NTM: variants seen among roughly 807,000 people sequenced by gnomAD.
NTM encodes the protein neurotrimin, also known as IgLON family member 2.
Under a neutral mutation model 42.1 loss-of-function variants are expected in NTM, and 13 were observed. That is an observed-to-expected ratio of 0.31 (90% CI 0.20 to 0.49). The LOEUF (loss-of-function observed/expected upper bound fraction) is 0.49, where lower values mean the gene tolerates loss of function less well. Among genes scored for constraint, NTM ranks in the 20% least tolerant of loss-of-function variants. NTM has a pLI of 0.99. For missense variants in NTM, 373 were observed against 452.8 expected (o/e 0.82, Z 1.60); for synonymous variants, 187 against 179.2 (o/e 1.04, Z -0.35).
At position 132,310,102 on chromosome 11, in the gene NTM, C is replaced by CT. The variant is rs2095237432; in HGVS notation, c.662-5dup. On this transcript the variant is annotated splice_polypyrimidine_tract_variant and intron_variant, in intron 5 of 8. Coordinates refer to ENST00000683400, the MANE Select transcript of NTM (RefSeq NM_001352005.2). The stretch of plus-strand genomic sequence containing the variant: ...TGGGGGGGCGGCTATGAGACATCTT[C>CT]TTTTTGCAGATCCACCATACATTTC... 6.4e-7 allele frequency: 1 copy of CT among 1,555,410 alleles called. No homozygotes were observed. The highest frequency in any genetic ancestry group is 8.7e-7 in the Non-Finnish European group (1 of 1,155,520).
intron 4 of NTM, among the ~76,000 whole-genome samples, chr11:132,303,389 A>G (rs1315776180): frequency 6.6e-6 from 1 of 152,172 alleles, no homozygotes; most frequent in Non-Finnish European, 1.5e-5. Flanking sequence ...TCCTAGAAGC[A>G]TCACTCCTAT....
At chr11:132,329,775 C>CAAAG (rs2095761518) in intron 7 of NTM, among the ~76,000 whole-genome samples, 1 of 152,202 alleles carries the variant, frequency 6.6e-6, no homozygotes. Flanking sequence ...GCCTGATGAC[C>CAAAG]AAAGAAAGTA....
intron 2 of NTM, among the ~76,000 whole-genome samples, chr11:131,940,014 C>T (rs1237291686): frequency 6.6e-6 from 1 of 152,190 alleles, no homozygotes; most frequent in Non-Finnish European, 1.5e-5. Context: ...AGTAGTTCTG[C>T]TCTAGAGGTT....
At chr11:132,191,507 A>G (rs547137432) in intron 3 of NTM, among the ~76,000 whole-genome samples, 1 of 152,338 alleles carries the variant, frequency 6.6e-6, no homozygotes, top group South Asian at 2.1e-4. Context: ...GCTGTAAAGA[A>G]CATAAAAACA....
intron 4 of NTM, among the ~76,000 whole-genome samples, chr11:132,219,187 C>T (rs1473250493): frequency 2.6e-5 from 4 of 152,124 alleles, no homozygotes; most frequent in Admixed American, 2.6e-4. Flanking sequence ...GTTTCAAGAC[C>T]ATACTCAAGT....
At chr11:131,620,560 C>T (rs2062421360) in intron 1 of NTM, among the ~76,000 whole-genome samples, 1 of 152,180 alleles carries the variant, frequency 6.6e-6, no homozygotes, top group African/African-American at 2.4e-5. Flanking sequence ...GCTACATGGG[C>T]TTCTTGCTGT....
chr11:131,424,867 C>CTTTTTTTTTT (rs759720917), intron 1 of NTM, among the ~76,000 whole-genome samples: 1 of 138,534 alleles, frequency 7.2e-6, no homozygotes. Context: ...CCACGCCCAG[C>CTTTTTTTTTT]TTTTTTTTTT....
chr11:131,677,042 A>T (rs2071547139), intron 1 of NTM, among the ~76,000 whole-genome samples: 1 of 152,142 alleles, frequency 6.6e-6, no homozygotes, highest in Non-Finnish European at 1.5e-5. Context: ...GGCACTTTTC[A>T]GATGTTGCCC....
intron 2 of NTM, among the ~76,000 whole-genome samples, chr11:132,095,772 G>A (rs1356632825): frequency 6.6e-6 from 1 of 152,178 alleles, no homozygotes; most frequent in Non-Finnish European, 1.5e-5. Flanking sequence ...TAGAAGACAC[G>A]TATTAGAAAG....
At chr11:132,245,972 C>T (rs1235643895) in intron 4 of NTM, among the ~76,000 whole-genome samples, 2 of 152,142 alleles carry the variant, frequency 1.3e-5, no homozygotes, top group African/African-American at 4.8e-5. Context: ...CTTTTCTCCC[C>T]GGGCGGCCAC....
intron 1 of NTM, among the ~76,000 whole-genome samples, chr11:131,521,259 G>A (rs2049623971): frequency 6.6e-6 from 1 of 150,482 alleles, no homozygotes; most frequent in Non-Finnish European, 1.5e-5. Flanking sequence ...AGGTTGCAGT[G>A]AGCCAAGATC....
chr11:131,446,887 A>G (rs1591689516), intron 1 of NTM, among the ~76,000 whole-genome samples: 1 of 152,236 alleles, frequency 6.6e-6, no homozygotes, highest in African/African-American at 2.4e-5. Flanking sequence ...GTCCCAGCTA[A>G]AAGCTGGCTG....
chr11:131,372,989 C>T (rs1480468238), intron 1 of NTM, among the ~76,000 whole-genome samples: 3 of 152,184 alleles, frequency 2.0e-5, no homozygotes, highest in East Asian at 3.9e-4. Flanking sequence ...CTACCGAATC[C>T]GGAATTTCTC....
chr11:132,113,193 C>T (rs2063454756), intron 2 of NTM, among the ~76,000 whole-genome samples: 2 of 152,212 alleles, frequency 1.3e-5, no homozygotes, highest in Admixed American at 1.3e-4. Context: ...AGTCTTGTGG[C>T]ACTTCCATGC....
rs141024708 is a variant in NTM at position 131,617,218 on chromosome 11, C to A, written c.82+246330C>A. On this transcript the variant is annotated intron_variant, in intron 1 of 8. Coordinates refer to ENST00000683400, the MANE Select transcript of NTM (RefSeq NM_001352005.2). ...CCGCTTGGGAATGTTGCAGAGAGTG[C>A]TGAGAGTGGAGGGCTGCAAGAATCT... Among the ~76,000 whole-genome samples, 243 of 152,068 alleles carry A rather than the reference C, an allele frequency of 1.6e-3. 2 individuals carry two copies. Among genetic ancestry groups the A allele is most frequent in the African/African-American group, 5.6e-3 (232 of 41,484 alleles).
intron 1 of NTM, among the ~76,000 whole-genome samples, chr11:131,729,839 AT>A (rs1277439985): frequency 6.6e-6 from 1 of 152,144 alleles, no homozygotes; most frequent in Non-Finnish European, 1.5e-5. Flanking sequence ...TGAAATTGTT[AT>A]CAGTTGATAG....
intron 1 of NTM, among the ~76,000 whole-genome samples, chr11:131,699,539 G>A (rs1211803317): frequency 1.3e-5 from 2 of 152,158 alleles, no homozygotes. Context: ...ATCACTAGCT[G>A]TATTAGTTCA....
At chr11:132,127,256 C>G (rs2066000328) in intron 2 of NTM, among the ~76,000 whole-genome samples, 2 of 152,204 alleles carry the variant, frequency 1.3e-5, no homozygotes, top group South Asian at 4.1e-4. Flanking sequence ...CAACCCGAAC[C>G]CAAAATGAAT....
chr11:132,167,889 G>A (rs1369867544), intron 3 of NTM, among the ~76,000 whole-genome samples: 1 of 152,154 alleles, frequency 6.6e-6, no homozygotes, highest in Non-Finnish European at 1.5e-5. Context: ...AAACAGATAG[G>A]ATGAAGCCTG....
Sources: gnomAD v4.1 joint callset for allele counts (sites outside exome capture counted in the v4.1 genomes callset) on GRCh38, gnomAD v4.1.1 for gene constraint, MANE v1.5 for transcripts, NCBI Gene and HGNC (gene_info 2026-07-23, HGNC 2026-07-21) for gene names.